SGIP1: variants seen among roughly 807,000 people sequenced by gnomAD.
SGIP1 encodes the protein SH3-containing GRB2-like protein 3-interacting protein 1.
A neutral mutation model predicts 107.5 loss-of-function variants in SGIP1; 38 were observed. That is an observed-to-expected ratio of 0.35 (90% CI 0.27 to 0.46). The LOEUF (loss-of-function observed/expected upper bound fraction) is 0.46. Among genes scored for constraint, SGIP1 ranks in the 20% least tolerant of loss-of-function variants. SGIP1 has a pLI of 1.00. For missense variants in SGIP1, 929 were observed against 1,019.5 expected, an observed-to-expected ratio of 0.91 and a Z score of 1.21; for synonymous variants, 365 against 366.1, an observed-to-expected ratio of 1.00 and a Z score of 0.03.
chr1:66,729,114 T>TA (rs948662907), intron 19 of SGIP1, 150 bp from the exon 20 acceptor site: 18 of 887,508 alleles, frequency 2.0e-5, no homozygotes, highest in Non-Finnish European at 2.9e-5. Flanking sequence ...AAATAGAAGT[T>TA]AAAGTATTTT....
At chr1:66,593,188 T>A (rs2063981752) in intron 1 of SGIP1, among the ~76,000 whole-genome samples, 1 of 152,178 alleles carries the variant, frequency 6.6e-6, no homozygotes, top group South Asian at 2.1e-4. Flanking sequence ...ATTCATTTAT[T>A]CACCTACTGA....
chr1:66,620,310 A>C (rs2070660968), intron 1 of SGIP1, among the ~76,000 whole-genome samples: 1 of 152,192 alleles, frequency 6.6e-6, no homozygotes, highest in South Asian at 2.1e-4. Context: ...ATTTTTAAAA[A>C]GTTTTTTAAA....
chr1:66,581,884 T>C (rs924818537), intron 1 of SGIP1, among the ~76,000 whole-genome samples: 13 of 152,092 alleles, frequency 8.5e-5, no homozygotes, highest in Non-Finnish European at 1.5e-4. Flanking sequence ...CTAATTAGGA[T>C]TTGCTTCACA....
intron 1 of SGIP1, among the ~76,000 whole-genome samples, chr1:66,570,603 A>G (rs2060250369): frequency 1.3e-5 from 2 of 151,882 alleles, no homozygotes; most frequent in African/African-American, 4.8e-5. Context: ...TATCCATCAA[A>G]TCATTCATTA....
At chr1:66,672,777 G>A (rs1219368651) in intron 11 of SGIP1, among the ~76,000 whole-genome samples, 1 of 151,808 alleles carries the variant, frequency 6.6e-6, no homozygotes, top group East Asian at 1.9e-4. Context: ...TGGAGTATTA[G>A]GAGGTTACAA....
chr1:66,621,006 T>C (rs1419267509), intron 1 of SGIP1, among the ~76,000 whole-genome samples: 1 of 152,194 alleles, frequency 6.6e-6, no homozygotes, highest in Non-Finnish European at 1.5e-5. Context: ...ATAAACAAGA[T>C]GCCCGCATGG....
rs373637788 is a variant in SGIP1, at chr1:66,739,438, A to T, written c.2135A>T (p.Asp712Val). Residue 712 changes from aspartate (D) to valine (V), a missense_variant, in exon 22 of 25, where the codon GAT becomes GTT. By Grantham distance (152) the Asp-to-Val change is radical (BLOSUM62 -3). Coordinates refer to ENST00000371037, the MANE Select transcript of SGIP1 (RefSeq NM_032291.4). The part of the protein sequence containing the change: ...DLRIDYKYNT[D>V]AMTTAVALNN... ...CGCATAGATTACAAATATAATACAG[A>T]TGCAATGACGACTGCTGTGGCCCTC... 4.4e-5 allele frequency: 71 copies of T among 1,614,048 alleles called. No individual in the cohort carries two copies. The Middle Eastern group carries it at 8.2e-4, about 19-fold the overall frequency.
chr1:66,612,838 A>G (rs2068318626), intron 1 of SGIP1, among the ~76,000 whole-genome samples: 1 of 152,234 alleles, frequency 6.6e-6, no homozygotes, highest in South Asian at 2.1e-4. Context: ...TTTAAATCCC[A>G]ATTAAGATTG....
intron 7 of SGIP1, among the ~76,000 whole-genome samples, chr1:66,651,748 A>G (rs2078797844): frequency 6.6e-6 from 1 of 152,148 alleles, no homozygotes; most frequent in Non-Finnish European, 1.5e-5. Flanking sequence ...ACACCTTGCC[A>G]GGTCAGGCTT....
chr1:66,544,407 C>T (rs1168871162), intron 1 of SGIP1, among the ~76,000 whole-genome samples: 1 of 152,120 alleles, frequency 6.6e-6, no homozygotes, highest in Non-Finnish European at 1.5e-5. Flanking sequence ...GAATACAGGC[C>T]GGGAGAGGTG....
intron 7 of SGIP1, among the ~76,000 whole-genome samples, chr1:66,659,037 A>G (rs1173011410): frequency 6.6e-6 from 1 of 152,202 alleles, no homozygotes; most frequent in Non-Finnish European, 1.5e-5. Context: ...TAGAAAGCCA[A>G]CGGAGGACGA....
intron 8 of SGIP1, among the ~76,000 whole-genome samples, chr1:66,667,257 C>A (rs932308162): frequency 7.2e-5 from 11 of 152,052 alleles, no homozygotes; most frequent in African/African-American, 2.7e-4. Context: ...TTGTATGTTT[C>A]TGCCTTGTTC....
intron 13 of SGIP1, among the ~76,000 whole-genome samples, chr1:66,679,460 A>C (rs1333989774): frequency 6.6e-6 from 1 of 152,202 alleles, no homozygotes; most frequent in Admixed American, 6.5e-5. Context: ...ACTGTCCAAC[A>C]TTCTCTTGAC....
intron 1 of SGIP1, among the ~76,000 whole-genome samples, chr1:66,575,383 G>A (rs947989756): frequency 1.3e-5 from 2 of 152,094 alleles, no homozygotes; most frequent in East Asian, 1.9e-4. Context: ...TTGGCCTTAT[G>A]TTTAGATCCA....
intron 18 of SGIP1, among the ~76,000 whole-genome samples, chr1:66,716,910 T>C (rs1262049343): frequency 2.6e-5 from 4 of 152,028 alleles, no homozygotes; most frequent in Admixed American, 1.3e-4. Flanking sequence ...CACACTCACA[T>C]ACACACACAA....
intron 1 of SGIP1, among the ~76,000 whole-genome samples, 185 bp downstream of exon 1, chr1:66,534,553 CT>C (rs2053119373): frequency 6.6e-6 from 1 of 152,182 alleles, no homozygotes; most frequent in African/African-American, 2.4e-5. Context: ...AACCACAGGG[CT>C]GCTGCCTAGC....
chr1:66,553,156 G>T (rs1284176971), intron 1 of SGIP1, among the ~76,000 whole-genome samples: 1 of 152,158 alleles, frequency 6.6e-6, no homozygotes, highest in Non-Finnish European at 1.5e-5. Context: ...TAGGCAGAAA[G>T]CTGGGGGAAT....
intron 24 of SGIP1, 38 bp downstream of exon 24, chr1:66,741,474 A>T: frequency 6.5e-7 from 1 of 1,530,768 alleles, no homozygotes. Flanking sequence ...TGCGAAAATA[A>T]TGTTGCCTTG....
At chr1:66,682,754 A>G (rs1222517479) in intron 15 of SGIP1, among the ~76,000 whole-genome samples, 2 of 151,456 alleles carry the variant, frequency 1.3e-5, no homozygotes, top group African/African-American at 4.9e-5. Flanking sequence ...CCACAAGGAC[A>G]CTAGGTTTTG....
Sources: allele counts gnomAD v4.1 joint callset (sites outside exome capture counted in the v4.1 genomes callset), GRCh38; gene constraint gnomAD v4.1.1; transcripts MANE v1.5; gene names NCBI Gene and HGNC (gene_info 2026-07-23, HGNC 2026-07-21).